Variants in TEX13C observed in about 807,000 individuals in gnomAD.
TEX13C encodes TEX13 family member C.
For synonymous variants in TEX13C, 219 were observed against 116.6 expected (o/e 1.88, Z -5.65); for missense variants, 480 against 298.7 (o/e 1.61, Z -4.47).
At chrX:125,321,141 C>T (rs764884013) in exon 1 of TEX13C, 4 of 513,968 alleles carry the variant, frequency 7.8e-6, no homozygotes, top group African/African-American at 2.3e-5. Context: ...AAGAAAGATC[C>T]AGTGATGCAA....
chrX:125,320,117 G>A (rs946148060), upstream of TEX13C: 8 of 470,068 alleles, frequency 1.7e-5, no homozygotes, highest in African/African-American at 4.7e-5. Flanking sequence ...GGCCGCAGCC[G>A]CCATGGCGAT....
chrX:125,320,125 G>C (rs774668341), exon 1 of TEX13C: 2 of 476,008 alleles, frequency 4.2e-6, no homozygotes, highest in Non-Finnish European at 3.8e-6. Flanking sequence ...CCGCCATGGC[G>C]ATGAACTTTG....
exon 1 of TEX13C, chrX:125,323,036 A>G (rs2018863906): frequency 1.9e-6 from 1 of 515,469 alleles, no homozygotes; most frequent in African/African-American, 2.3e-5. Context: ...TCCACGGAAC[A>G]AGGTGTGCTC....
chrX:125,320,048 C>A (rs183086858), upstream of TEX13C: 20 of 451,545 alleles, frequency 4.4e-5, no homozygotes, highest in African/African-American at 2.7e-4. Flanking sequence ...TGGCAGCAAC[C>A]TGTACCGGAA....
chrX:125,320,590 G>A (rs1418083843), exon 1 of TEX13C: 1 of 515,767 alleles, frequency 1.9e-6, no homozygotes, highest in South Asian at 2.5e-5. Flanking sequence ...AGGTCTATCC[G>A]ATGCCTCAGG....
chrX:125,324,143 G>T (rs185330162), exon 1 of TEX13C: 21 of 111,716 alleles, frequency 1.9e-4, no homozygotes, highest in Non-Finnish European at 1.3e-4. Flanking sequence ...ATTCATTAAA[G>T]AAATAGTTAT....
chrX:125,320,476 G>T (rs1428405199), exon 1 of TEX13C: 16 of 514,990 alleles, frequency 3.1e-5, no homozygotes, highest in African/African-American at 1.8e-4. Flanking sequence ...TGGAGCATGA[G>T]GAGGTGGCAA....
exon 1 of TEX13C, chrX:125,321,547 G>T: frequency 2.0e-6 from 1 of 509,190 alleles, no homozygotes; most frequent in Admixed American, 2.7e-5. Context: ...CAGCTCCCCT[G>T]ATGTATAGCA....
exon 1 of TEX13C, chrX:125,321,582 C>T (rs758447529): frequency 2.0e-6 from 1 of 512,140 alleles, no homozygotes; most frequent in South Asian, 2.5e-5. Flanking sequence ...AAGAAAGTGC[C>T]AATGATGCCC....
chrX:125,324,984 C>T (rs1223111030), exon 1 of TEX13C: 3 of 111,805 alleles, frequency 2.7e-5, no homozygotes, highest in Non-Finnish European at 5.6e-5. Flanking sequence ...GGGAATACCC[C>T]AGGACCCCCA....
chrX:125,319,928 C>A (rs1337770131), upstream of TEX13C, among the ~76,000 whole-genome samples: 1 of 112,207 alleles, frequency 8.9e-6, no homozygotes, highest in East Asian at 2.8e-4. Context: ...GGACCTGCTT[C>A]TCTCTTTGTG....
Position 125,322,091 on chromosome X carries a change from C to T in TEX13C, c.1972C>T (p.Gln658Ter), listed in dbSNP as rs2018850032. The T allele has an allele frequency of 2.1e-6, 1 of 478,780 alleles. No individual in the cohort carries two copies. The highest frequency in any genetic ancestry group is 3.7e-6 in the Non-Finnish European group (1 of 271,247). The allele number at this position is 478,780 out of a possible 1,213,427, so 39.5% of individuals were successfully genotyped here. ...CCTGAAGAAAGATCCAGTGATGCCCCAGAACATGGTCCCCCTGGAGGACAG... is the reference window on the plus strand; with the variant it reads ...CCTGAAGAAAGATCCAGTGATGCCCTAGAACATGGTCCCCCTGGAGGACAG... Residue 658 changes from glutamine to a stop codon, truncating the protein, a stop_gained, in exon 1 of 1, where the codon CAG (glutamine) becomes TAG (stop). Transcript: ENST00000632600. LOFTEE classifies it low-confidence loss of function (END_TRUNC).
exon 1 of TEX13C, chrX:125,322,434 A>G (rs1360384146): frequency 1.6e-5 from 8 of 501,544 alleles, no homozygotes; most frequent in African/African-American, 1.0e-4. Context: ...AGCAACAGCC[A>G]TAGCCTGAAG....
chrX:125,319,919 G>T (rs2018817742), upstream of TEX13C, among the ~76,000 whole-genome samples: 1 of 112,281 alleles, frequency 8.9e-6, no homozygotes, highest in African/African-American at 3.2e-5. Flanking sequence ...TGGCGAGGAG[G>T]ACCTGCTTCT....
chrX:125,322,515 C>T (rs1188698934), exon 1 of TEX13C: 1 of 512,886 alleles, frequency 1.9e-6, no homozygotes, highest in Non-Finnish European at 3.5e-6. Context: ...AAGAAAGTGC[C>T]AGTGGTGCCC....
exon 1 of TEX13C, chrX:125,322,111 G>A: frequency 2.0e-6 from 1 of 492,707 alleles, no homozygotes; most frequent in Non-Finnish European, 3.6e-6. Context: ...TCCCCCTGGA[G>A]GACAGCAACA....
chrX:125,324,144 A>G (rs1569520683), exon 1 of TEX13C: 2 of 112,014 alleles, frequency 1.8e-5, no homozygotes, highest in Non-Finnish European at 3.8e-5. Flanking sequence ...TTCATTAAAG[A>G]AATAGTTATT....
rs186469713 is a variant in TEX13C at position 125,320,956 on chromosome X, A to G, written c.837A>G (p.Gly279=). Reference sequence around the variant, plus strand: ...CACCTGGTCTTTGGGCCACAGTGGGATCCCAGGAGGAGACGGCCCCTCCGT... The same window carrying G: ...CACCTGGTCTTTGGGCCACAGTGGGGTCCCAGGAGGAGACGGCCCCTCCGT... Residue 279 remains glycine (G), a synonymous_variant, in exon 1 of 1, where the codon GGA becomes GGG. Coordinates refer to ENST00000632600, the Ensembl canonical transcript of TEX13C. The G allele has an allele frequency of 1.1e-4, 59 of 514,032 alleles. No homozygotes were observed. In the African/African-American group the frequency reaches 1.3e-3, roughly 11 times the overall value. The allele number at this position is 514,032 out of a possible 1,213,427, so 42.4% of individuals were successfully genotyped here.
chrX:125,321,536 A>C (rs756157255), exon 1 of TEX13C: 1 of 511,076 alleles, frequency 2.0e-6, no homozygotes, highest in South Asian at 2.5e-5. Context: ...GGCCCAGGGC[A>C]CAGCTCCCCT....
Sources: allele counts gnomAD v4.1 joint callset (sites outside exome capture counted in the v4.1 genomes callset), GRCh38; gene constraint gnomAD v4.1.1; transcripts MANE v1.5; gene names NCBI Gene and HGNC (gene_info 2026-07-23, HGNC 2026-07-21).